CALN1: variants seen among roughly 807,000 people sequenced by gnomAD.
CALN1 encodes calcium-binding protein 8.
In CALN1, 17 loss-of-function variants were observed where a neutral mutation model predicts 30.6. The observed-to-expected ratio is 0.56, with a 90% CI of 0.38 to 0.83. The LOEUF (loss-of-function observed/expected upper bound fraction) is 0.83. Ranked by LOEUF, CALN1 falls within the 40% of genes least tolerant of loss-of-function variation. The probability of loss-of-function intolerance (pLI) is 0.00; values close to 1 mark genes in which losing one functional copy is unlikely to be tolerated. For missense variants in CALN1, 291 were observed against 354.9 expected (o/e 0.82, Z 1.45); for synonymous variants, 156 against 131.4 (o/e 1.19, Z -1.28).
chr7:72,499,829 CT>C, the CALN1 span, among the ~76,000 whole-genome samples: 2 of 25,424 alleles, frequency 7.9e-5, no homozygotes, highest in African/African-American at 5.2e-4. Flanking sequence ...TTCCTTCCTT[CT>C]TTCTTTCTTT....
At chr7:71,999,951 T>C (rs1197675499) in intron 5 of CALN1, among the ~76,000 whole-genome samples, 1 of 151,686 alleles carries the variant, frequency 6.6e-6, no homozygotes, top group African/African-American at 2.4e-5. Flanking sequence ...AACTAGAAAC[T>C]AGCAACAGAA....
At chr7:72,105,149 A>G (rs974035989) in intron 4 of CALN1, among the ~76,000 whole-genome samples, 5 of 151,418 alleles carry the variant, frequency 3.3e-5, no homozygotes, top group African/African-American at 1.2e-4. Flanking sequence ...CAAATCTGTG[A>G]CTCTCGTCTG....
At chr7:71,899,747 A>T (rs1793746304) in intron 5 of CALN1, among the ~76,000 whole-genome samples, 1 of 152,214 alleles carries the variant, frequency 6.6e-6, no homozygotes, top group Admixed American at 6.5e-5. Flanking sequence ...CATACTTCAG[A>T]ATAACTGATA....
At chr7:72,285,370 A>G (rs1318917080) in intron 2 of CALN1, among the ~76,000 whole-genome samples, 3 of 152,028 alleles carry the variant, frequency 2.0e-5, no homozygotes, top group Non-Finnish European at 2.9e-5. Flanking sequence ...CAGCCTCCCA[A>G]GTAGCTGGGA....
intron 3 of CALN1, among the ~76,000 whole-genome samples, chr7:72,210,262 C>G (rs1045527891): frequency 1.3e-5 from 2 of 152,116 alleles, no homozygotes; most frequent in African/African-American, 2.4e-5. Flanking sequence ...TTCCCCACCC[C>G]ACCCTAATCA....
At chr7:72,324,443 A>AT (rs1430105687) in intron 2 of CALN1, among the ~76,000 whole-genome samples, 3 of 152,050 alleles carry the variant, frequency 2.0e-5, no homozygotes, top group Admixed American at 1.3e-4. Flanking sequence ...TGCCTCTTGC[A>AT]TTTACCTTCC....
chr7:71,912,995 C>T (rs986769592), intron 5 of CALN1, among the ~76,000 whole-genome samples: 4 of 152,190 alleles, frequency 2.6e-5, no homozygotes, highest in African/African-American at 9.6e-5. Context: ...GATTGTGAAG[C>T]AGCACCCATC....
rs530234949 is a variant in CALN1 at position 72,393,128 on chromosome 7, G to A, written c.119+10123C>T. 9.9e-5 allele frequency among the ~76,000 whole-genome samples: 15 copies of A among 152,208 alleles called. No individual in the cohort carries two copies. The East Asian group carries it at 2.7e-3, about 27-fold the overall frequency. ...CAGGGTCATAGCCCAAAGCAGCCCC[G>A]CCACAAGCAAGAACCATCTTTAAAG... On this transcript the variant is annotated intron_variant, in intron 2 of 6. Coordinates refer to ENST00000395275, the MANE Select transcript of CALN1 (RefSeq NM_031468.4).
chr7:71,871,645 C>A (rs990992924), intron 5 of CALN1, among the ~76,000 whole-genome samples: 4 of 152,172 alleles, frequency 2.6e-5, no homozygotes, highest in Non-Finnish European at 5.9e-5. Flanking sequence ...ACTCCCACCA[C>A]CAGATGGCTC....
chr7:71,837,994 C>T (rs891276457), intron 5 of CALN1, among the ~76,000 whole-genome samples: 9 of 152,220 alleles, frequency 5.9e-5, no homozygotes, highest in African/African-American at 1.9e-4. Flanking sequence ...TTTAATTACA[C>T]TGATTAGTAG....
chr7:72,380,702 AGAT>A (rs2129560794), intron 2 of CALN1, among the ~76,000 whole-genome samples: 1 of 140,090 alleles, frequency 7.1e-6, no homozygotes, highest in African/African-American at 2.6e-5. Flanking sequence ...TACATACATT[AGAT>A]TAGATAGATA....
chr7:71,800,713 G>C (rs911768474), intron 6 of CALN1, among the ~76,000 whole-genome samples: 8 of 152,096 alleles, frequency 5.3e-5, no homozygotes, highest in Non-Finnish European at 8.8e-5. Flanking sequence ...CAAAGCCCAG[G>C]TAAATGACCC....
At chr7:72,467,891 C>T in the CALN1 span, among the ~76,000 whole-genome samples, 1 of 152,192 alleles carries the variant, frequency 6.6e-6, no homozygotes, top group African/African-American at 2.4e-5. Context: ...CCCTCTACCC[C>T]TAGCTCCAAC....
At chr7:72,281,844 C>T (rs143201931) in intron 2 of CALN1, among the ~76,000 whole-genome samples, 13 of 152,234 alleles carry the variant, frequency 8.5e-5, no homozygotes, top group East Asian at 3.9e-4. Flanking sequence ...CTCCAACCCA[C>T]GCCCCAGTTC....
intron 5 of CALN1, among the ~76,000 whole-genome samples, chr7:71,874,431 TA>T (rs1281763365): frequency 6.6e-6 from 1 of 152,018 alleles, no homozygotes; most frequent in African/African-American, 2.4e-5. Flanking sequence ...TTCTATGCAA[TA>T]AAGAAGGTCA....
intron 4 of CALN1, among the ~76,000 whole-genome samples, chr7:72,041,711 G>A (rs844729): frequency 0.26 from 39,826 of 152,028 alleles, 5,413 homozygotes; most frequent in Middle Eastern, 0.35. Context: ...TGTAGCTCCC[G>A]TAATTCCCAC....
chr7:72,438,585 C>T lies in CALN1; in HGVS notation c.-226+8457G>A, dbSNP rs115506420. 8.9e-3 allele frequency among the ~76,000 whole-genome samples: 1,357 copies of T among 152,324 alleles called. 17 individuals carry two copies. Among genetic ancestry groups the T allele is most frequent in the African/African-American group, 0.031 (1,288 of 41,574 alleles). On this transcript the variant is annotated intron_variant, in intron 1 of 6. Coordinates refer to the CALN1 transcript ENST00000395276. ...GACCGTCTTAAAATAGTAGCCGCCA[C>T]GTAGAGACATCACAGCAAATCTCTT...
chr7:71,973,711 G>A (rs1303294472), intron 5 of CALN1, among the ~76,000 whole-genome samples: 1 of 152,134 alleles, frequency 6.6e-6, no homozygotes, highest in Admixed American at 6.6e-5. Flanking sequence ...ATAATTTGAT[G>A]AGGGGAGGGC....
intron 3 of CALN1, among the ~76,000 whole-genome samples, chr7:72,208,968 T>C (rs1274137052): frequency 1.3e-5 from 2 of 151,280 alleles, no homozygotes; most frequent in African/African-American, 2.4e-5. Flanking sequence ...CCTCCCTCCC[T>C]TTCCTTCCTT....
Sources: allele counts gnomAD v4.1 joint callset (sites outside exome capture counted in the v4.1 genomes callset), GRCh38; gene constraint gnomAD v4.1.1; transcripts MANE v1.5; gene names NCBI Gene and HGNC (gene_info 2026-07-23, HGNC 2026-07-21).